The following MYO16 variants were observed in gnomAD, a reference collection of about 807,000 sequenced individuals.
MYO16 encodes myosin XVI.
In MYO16, 94 loss-of-function variants were observed where a neutral mutation model predicts 205.3. The observed-to-expected ratio is 0.46, with a 90% CI of 0.39 to 0.54. The LOEUF is 0.54. MYO16 is among the 20% of genes least tolerant of loss of function. The pLI, the probability that MYO16 is intolerant of heterozygous loss-of-function variation, is 0.00. For missense variants in MYO16, 2,315 were observed against 2,387.5 expected (o/e 0.97, Z 0.63); for synonymous variants, 988 against 954.0 (o/e 1.04, Z -0.66).
intron 9 of MYO16, among the ~76,000 whole-genome samples, chr13:108,839,375 C>A (rs1877112640): frequency 6.6e-6 from 1 of 152,040 alleles, no homozygotes; most frequent in Non-Finnish European, 1.5e-5. Context: ...GCAGATCTGG[C>A]TATGAAATTT....
At chr13:108,793,850 T>C (rs1886699618) in intron 6 of MYO16, among the ~76,000 whole-genome samples, 2 of 152,142 alleles carry the variant, frequency 1.3e-5, no homozygotes, top group Admixed American at 1.3e-4. Flanking sequence ...CCAAGGAATA[T>C]ATATCATTCT....
At chr13:108,654,496 C>T (rs1383133998) in intron 1 of MYO16, among the ~76,000 whole-genome samples, 1 of 152,154 alleles carries the variant, frequency 6.6e-6, no homozygotes, top group Admixed American at 6.5e-5. Flanking sequence ...TCTTTTCCTT[C>T]CCAGTCTTGG....
At chr13:108,661,847 A>G (rs1319975146) in intron 1 of MYO16, among the ~76,000 whole-genome samples, 1 of 151,748 alleles carries the variant, frequency 6.6e-6, no homozygotes, top group Non-Finnish European at 1.5e-5. Context: ...TTTTTTTGGG[A>G]TGTTGAAGAG....
At chr13:109,153,398 T>TATATAGATATAG (rs67724535) in intron 32 of MYO16, among the ~76,000 whole-genome samples, 9 of 151,222 alleles carry the variant, frequency 6.0e-5, no homozygotes, top group African/African-American at 2.2e-4. Flanking sequence ...TAGCTATAGA[T>TATATAGATATAG]ATATAGATAT....
chr13:108,804,232 C>A (rs963867659), intron 6 of MYO16, among the ~76,000 whole-genome samples: 4 of 152,166 alleles, frequency 2.6e-5, no homozygotes, highest in African/African-American at 9.7e-5. Context: ...GTTTTAGAAG[C>A]CACTCTGACC....
intron 25 of MYO16, among the ~76,000 whole-genome samples, chr13:109,054,092 A>G (rs533664038): frequency 6.6e-6 from 1 of 152,250 alleles, no homozygotes; most frequent in South Asian, 2.1e-4. Context: ...ATGTAATAGT[A>G]GGTTAGTGGC....
chr13:108,871,322 TTG>T (rs58117690), intron 12 of MYO16, among the ~76,000 whole-genome samples: 15,263 of 131,334 alleles, frequency 0.12, 868 homozygotes, highest in African/African-American at 0.18. Context: ...CTATGTGACT[TTG>T]TGTGTGTGTG....
intron 34 of MYO16, among the ~76,000 whole-genome samples, chr13:109,194,479 A>G (rs552870170): frequency 1.8e-4 from 27 of 152,304 alleles, no homozygotes; most frequent in African/African-American, 6.0e-4. Context: ...CTAGAGTACT[A>G]ACGTGAAAAT....
chr13:108,957,351 C>T (rs913376761), intron 16 of MYO16, among the ~76,000 whole-genome samples: 7 of 130,588 alleles, frequency 5.4e-5, no homozygotes, highest in Non-Finnish European at 9.3e-5. Context: ...GCACTGTGCT[C>T]CAGCCTGGAT....
At chr13:109,201,699 C>T (rs1489028980) in intron 34 of MYO16, among the ~76,000 whole-genome samples, 1 of 152,018 alleles carries the variant, frequency 6.6e-6, no homozygotes, top group Non-Finnish European at 1.5e-5. Flanking sequence ...ATGCACCCAT[C>T]ACCCAAGCAG....
upstream of MYO16, among the ~76,000 whole-genome samples, chr13:108,628,166 G>T (rs1594155756): frequency 6.6e-6 from 1 of 152,014 alleles, no homozygotes; most frequent in African/African-American, 2.4e-5. Flanking sequence ...GTATATAAAG[G>T]CTCTGTTTTA....
Position 109,098,287 on chromosome 13 carries a change from T to C in MYO16, c.3336-2498T>C, listed in dbSNP as rs538073211. 9.8e-5 allele frequency among the ~76,000 whole-genome samples: 15 copies of C among 152,330 alleles called. 1 individual carries two copies. The South Asian group carries it at 1.9e-3, about 19-fold the overall frequency. ...TTAATCAAAATAGGAACCATTACAA[T>C]GAACACATTTTTGCCAATGAGAAGT... On this transcript the variant is annotated intron_variant, in intron 27 of 34. Coordinates refer to ENST00000457511, the MANE Select transcript of MYO16 (RefSeq NM_001198950.3).
chr13:108,644,362 GTCTATCTATCTATCTATCTATCTA>G (rs68036528), intron 1 of MYO16, among the ~76,000 whole-genome samples: 72 of 148,116 alleles, frequency 4.9e-4, no homozygotes, highest in Non-Finnish European at 6.6e-4. Flanking sequence ...CTGTCTGTCT[GTCTATCTATCTATCTATCTATCTA>G]TCTATCTATC....
chr13:108,948,238 T>G (rs1594417791), intron 16 of MYO16, among the ~76,000 whole-genome samples: 1 of 152,348 alleles, frequency 6.6e-6, no homozygotes, highest in East Asian at 1.9e-4. Flanking sequence ...TTTGCCTTAT[T>G]TGGCTTCTGT....
At position 109,175,926 on chromosome 13, in the gene MYO16, A is replaced by G. The variant is rs934546155; in HGVS notation, c.5324-3616A>G. ...GCCTTTGCTTAGCAATGTTCCCTTT[A>G]GCTGCGTGAGAAAATCCTTGCTATG... On this transcript the variant is annotated intron_variant, in intron 33 of 34. Coordinates refer to ENST00000457511, the MANE Select transcript of MYO16 (RefSeq NM_001198950.3). 3.9e-5 allele frequency among the ~76,000 whole-genome samples: 6 copies of G among 152,144 alleles called. No homozygotes were observed. In the East Asian group the frequency reaches 1.2e-3, roughly 29 times the overall value.
intron 9 of MYO16, among the ~76,000 whole-genome samples, chr13:108,840,550 T>C (rs948357092): frequency 1.3e-5 from 2 of 152,200 alleles, no homozygotes; most frequent in Admixed American, 1.3e-4. Context: ...TGTTTCATTA[T>C]TTTTTGAGAC....
At chr13:109,059,899 T>C (rs277839) in intron 27 of MYO16, among the ~76,000 whole-genome samples, 78,442 of 152,012 alleles carry the variant, frequency 0.52, 20,179 homozygotes, top group Middle Eastern at 0.55. Context: ...TTGGCTTTTA[T>C]GTTTAAGTCT....
chr13:108,545,910 C>T, the MYO16 span, among the ~76,000 whole-genome samples: 1 of 152,198 alleles, frequency 6.6e-6, no homozygotes, highest in Non-Finnish European at 1.5e-5. Flanking sequence ...ATACCTAACT[C>T]ATAGTTTCTG....
chr13:108,962,515 A>T lies in MYO16; in HGVS notation c.2227+20A>T, dbSNP rs760135263. 5 of 1,501,394 alleles carry T rather than the reference A, an allele frequency of 3.3e-6. No homozygotes were observed. In the East Asian group the frequency reaches 1.1e-4, roughly 34 times the overall value. The allele number at this position is 1,501,394 out of a possible 1,614,324, so 93.0% of individuals were successfully genotyped here. On this transcript the variant is annotated intron_variant, in intron 19 of 34. Transcript: ENST00000457511. Reference sequence around the variant, plus strand: ...TTAAAGGTAATTTTTTTATGCTCTAACATCTTTGTGCAATTTAGAATCAAA... The same window carrying T: ...TTAAAGGTAATTTTTTTATGCTCTATCATCTTTGTGCAATTTAGAATCAAA...
Sources: gnomAD v4.1 joint callset for allele counts (sites outside exome capture counted in the v4.1 genomes callset) on GRCh38, gnomAD v4.1.1 for gene constraint, MANE v1.5 for transcripts, NCBI Gene and HGNC (gene_info 2026-07-23, HGNC 2026-07-21) for gene names.